Variants in MALRD1 observed in about 807,000 individuals in gnomAD.
The protein encoded by MALRD1 is MAM and LDL receptor class A domain containing 1, also known as MAM and LDL-receptor class A domain-containing protein 1.
MALRD1 carries 247 observed loss-of-function variants against 242.1 expected under a neutral mutation model. The ratio of observed to expected loss-of-function variants is 1.02; its 90% CI spans 0.92 to 1.13. MALRD1 has a LOEUF of 1.13. Ranked by LOEUF, MALRD1 falls within the 50% of genes most tolerant of loss-of-function variation. The probability of loss-of-function intolerance (pLI) is 0.00; values close to 1 mark genes in which losing one functional copy is unlikely to be tolerated. For missense variants in MALRD1, 2,989 were observed against 2,533.1 expected (o/e 1.18, Z -3.86); for synonymous variants, 995 against 866.6 (o/e 1.15, Z -2.60).
intron 36 of MALRD1, among the ~76,000 whole-genome samples, chr10:19,643,773 T>C (rs1840517790): frequency 6.6e-6 from 1 of 152,158 alleles, no homozygotes; most frequent in African/African-American, 2.4e-5. Context: ...TTTCTATCTA[T>C]TCTCTCCCTT....
intron 14 of MALRD1, among the ~76,000 whole-genome samples, chr10:19,188,343 A>G (rs1194206686): frequency 6.6e-6 from 1 of 152,212 alleles, no homozygotes; most frequent in Non-Finnish European, 1.5e-5. Context: ...GTGTTGGGTC[A>G]TTTAGAGAAG....
At chr10:19,605,294 A>G (rs1838557421) in intron 34 of MALRD1, among the ~76,000 whole-genome samples, 1 of 151,460 alleles carries the variant, frequency 6.6e-6, no homozygotes, top group African/African-American at 2.4e-5. Flanking sequence ...AGCTGGCACT[A>G]CAGGCATGAG....
Position 19,331,443 on chromosome 10 carries a change from C to CT in MALRD1, c.3763dup (p.Ser1255PhefsTer5), listed in dbSNP as rs1588922299. 4 of 1,550,520 alleles carry CT rather than the reference C, an allele frequency of 2.6e-6. No homozygotes were observed. The highest frequency in any genetic ancestry group is 3.5e-6 in the Non-Finnish European group (4 of 1,146,860). ...TGGATGATATTTCCTTCCAAGATTG[C>CT]TCCCCTTTGCTTAGCCCAGAGAGAA... On this transcript the variant is annotated frameshift_variant, in exon 24 of 40. Transcript: ENST00000454679. LOFTEE classifies it high-confidence loss of function.
Position 19,734,152 on chromosome 10 carries a change from G to T in MALRD1, c.6391-5G>T. On this transcript the variant is annotated splice_region_variant and splice_polypyrimidine_tract_variant and intron_variant, in intron 39 of 39. Coordinates refer to ENST00000454679, the MANE Select transcript of MALRD1 (RefSeq NM_001142308.3). ...CACCCTTTCAAATGTGTTTTTCTTC[G>T]TCAGAGTTCTGTCTATTCCTTCTCA... The T allele has an allele frequency of 1.3e-6, 2 of 1,527,810 alleles. No homozygotes were observed. The highest frequency in any genetic ancestry group is 1.7e-6 in the Non-Finnish European group (2 of 1,143,818). 94.6% of individuals were successfully genotyped at this position (1,527,810 alleles called of 1,614,324 possible).
chr10:19,322,807 A>G (rs1216456698), intron 21 of MALRD1, among the ~76,000 whole-genome samples: 2 of 152,182 alleles, frequency 1.3e-5, no homozygotes, highest in Non-Finnish European at 1.5e-5. Context: ...TCAAAATAAA[A>G]TAGCTTTAAT....
In MALRD1 at chr10:19,327,525, A is replaced by G. The variant is rs141173327; in HGVS notation, c.3577-38A>G. 89 of 1,481,188 alleles carry G rather than the reference A, an allele frequency of 6.0e-5. No individual in the cohort carries two copies. The African/African-American group carries it at 1.1e-3, about 19-fold the overall frequency. 91.8% of individuals were successfully genotyped at this position (1,481,188 alleles called of 1,614,324 possible). On this transcript the variant is annotated intron_variant, in intron 22 of 39. Transcript: ENST00000454679. The stretch of plus-strand genomic sequence containing the variant: ...TACATGTTTGCAATTTCTCAAGATA[A>G]AATACTTCAGTGCCTTTTACTTGAT...
At chr10:19,634,571 C>T (rs1000648161) in intron 36 of MALRD1, among the ~76,000 whole-genome samples, 10 of 151,994 alleles carry the variant, frequency 6.6e-5, no homozygotes, top group Non-Finnish European at 8.8e-5. Context: ...GTCATGCTTG[C>T]GGAATATGGA....
intron 14 of MALRD1, among the ~76,000 whole-genome samples, 155 bp downstream of exon 14, chr10:19,175,483 T>TATATATATATA (rs199565400): frequency 1.2e-4 from 18 of 148,096 alleles, no homozygotes; most frequent in South Asian, 2.1e-4. Flanking sequence ...TATATATATA[T>TATATATATATA]TTTAAAAGGT....
chr10:19,248,469 C>T (rs1347192778), intron 18 of MALRD1, among the ~76,000 whole-genome samples: 1 of 150,988 alleles, frequency 6.6e-6, no homozygotes, highest in Non-Finnish European at 1.5e-5. Flanking sequence ...GTAGATGTTA[C>T]AATTTTATAG....
intron 32 of MALRD1, among the ~76,000 whole-genome samples, chr10:19,555,679 T>C (rs1261650017): frequency 6.6e-6 from 1 of 152,124 alleles, no homozygotes; most frequent in Admixed American, 6.6e-5. Context: ...ATTCTTACAA[T>C]GTGTTTGTGG....
At chr10:19,626,038 G>GATATCTTTTAGGT (rs1307117709) in intron 36 of MALRD1, among the ~76,000 whole-genome samples, 1 of 152,058 alleles carries the variant, frequency 6.6e-6, no homozygotes, top group Non-Finnish European at 1.5e-5. Context: ...TTAAAGTGGA[G>GATATCTTTTAGGT]AATATTTAGA....
At chr10:19,191,719 C>T (rs1835983287) in intron 14 of MALRD1, among the ~76,000 whole-genome samples, 3 of 152,110 alleles carry the variant, frequency 2.0e-5, no homozygotes, top group Admixed American at 6.5e-5. Context: ...AGGACATGGC[C>T]GGGTGCGGTT....
intron 31 of MALRD1, among the ~76,000 whole-genome samples, chr10:19,518,475 A>G (rs2131309383): frequency 6.6e-6 from 1 of 152,126 alleles, no homozygotes; most frequent in South Asian, 2.1e-4. Context: ...GTCAAAGTTG[A>G]TATTTTATTA....
chr10:19,647,538 C>T (rs921680307), intron 36 of MALRD1, among the ~76,000 whole-genome samples: 2 of 152,122 alleles, frequency 1.3e-5, no homozygotes, highest in Non-Finnish European at 2.9e-5. Flanking sequence ...ATACTTGGAT[C>T]TGAAAGGGTC....
intron 29 of MALRD1, among the ~76,000 whole-genome samples, chr10:19,465,163 A>G (rs1836156283): frequency 6.6e-6 from 1 of 152,132 alleles, no homozygotes; most frequent in Admixed American, 6.5e-5. Context: ...AAACAGTGAC[A>G]GTTTGACTTC....
At chr10:19,275,546 G>A (rs1477189125) in intron 19 of MALRD1, among the ~76,000 whole-genome samples, 13 of 152,178 alleles carry the variant, frequency 8.5e-5, no homozygotes, top group South Asian at 2.1e-4. Context: ...GCGGGCGCCT[G>A]TAGTCCCCAC....
chr10:19,403,789 G>A (rs1846969412), intron 28 of MALRD1, among the ~76,000 whole-genome samples: 1 of 152,080 alleles, frequency 6.6e-6, no homozygotes, highest in East Asian at 1.9e-4. Flanking sequence ...TGAAAGAATG[G>A]TGAGAATATT....
intron 28 of MALRD1, among the ~76,000 whole-genome samples, chr10:19,429,223 C>T (rs1834023686): frequency 6.6e-6 from 1 of 152,186 alleles, no homozygotes; most frequent in Admixed American, 6.5e-5. Flanking sequence ...AGTGACTTGT[C>T]CAAAGTCACA....
chr10:19,262,661 A>G (rs1839803112), intron 19 of MALRD1, among the ~76,000 whole-genome samples: 1 of 151,734 alleles, frequency 6.6e-6, no homozygotes. Context: ...GTCTCAAAAA[A>G]AAAAAAAAAA....
Sources: gnomAD v4.1 joint callset for allele counts (sites outside exome capture counted in the v4.1 genomes callset) on GRCh38, gnomAD v4.1.1 for gene constraint, MANE v1.5 for transcripts, NCBI Gene and HGNC (gene_info 2026-07-23, HGNC 2026-07-21) for gene names.